Variants in ZNF644 observed in about 807,000 individuals in gnomAD.
ZNF644 encodes the protein zinc finger protein 644.
Under a neutral mutation model 108.0 loss-of-function variants are expected in ZNF644, and 20 were observed. That is an observed-to-expected ratio of 0.19 (90% CI 0.13 to 0.27). The LOEUF is 0.27. Ranked by LOEUF, ZNF644 falls within the 10% of genes least tolerant of loss-of-function variation. ZNF644 has a pLI of 1.00. For synonymous variants in ZNF644, 542 were observed against 539.1 expected (o/e 1.01, Z -0.08); for missense variants, 1,338 against 1,548.9 (o/e 0.86, Z 2.29).
At chr1:90,933,535 G>A (rs375487318) in intron 4 of ZNF644, among the ~76,000 whole-genome samples, 1 of 152,026 alleles carries the variant, frequency 6.6e-6, no homozygotes, top group Non-Finnish European at 1.5e-5. Flanking sequence ...ATGATGGCAT[G>A]AGTCTGTAAT....
At chr1:90,955,961 GAGA>G (rs1653713927) in intron 2 of ZNF644, among the ~76,000 whole-genome samples, 1 of 152,176 alleles carries the variant, frequency 6.6e-6, no homozygotes, top group Non-Finnish European at 1.5e-5. Flanking sequence ...TTTAAAATGA[GAGA>G]CATGTGACTC....
intron 1 of ZNF644, among the ~76,000 whole-genome samples, chr1:90,999,115 C>T (rs937828144): frequency 1.3e-5 from 2 of 152,220 alleles, no homozygotes; most frequent in Admixed American, 6.5e-5. Flanking sequence ...TAGGAAAACA[C>T]TCTGCAGGAT....
rs1256088066 is a variant in ZNF644, at chr1:91,022,015, G to C, written c.-43C>G. Reference sequence around the variant, plus strand: ...AGTTTGGTGCCGTGTGCGTCAAACCGGGGCGACGTTGGGAGCACGCGGCGT... The same window carrying C: ...AGTTTGGTGCCGTGTGCGTCAAACCCGGGCGACGTTGGGAGCACGCGGCGT... On this transcript the variant is annotated 5_prime_UTR_variant, in exon 1 of 6. Coordinates refer to ENST00000337393, the MANE Select transcript of ZNF644 (RefSeq NM_201269.3). The C allele has an allele frequency of 2.5e-6, 1 of 398,754 alleles. No individual in the cohort carries two copies. The highest frequency in any genetic ancestry group is 4.4e-6 in the Non-Finnish European group (1 of 225,988). The allele number at this position is 398,754 out of a possible 1,614,324, so 24.7% of individuals were successfully genotyped here. A position where few individuals can be genotyped will look rare whatever the true frequency, so the allele number is the denominator to read the frequency against.
At chr1:91,021,768 A>G (rs1162362234) in intron 1 of ZNF644, 2 of 351,810 alleles carry the variant, frequency 5.7e-6, no homozygotes, top group Non-Finnish European at 1.0e-5. Flanking sequence ...TGTAGCACCA[A>G]CTCCGCCTCC....
chr1:90,983,467 G>A (rs74757484), intron 1 of ZNF644, among the ~76,000 whole-genome samples: 1 of 125,872 alleles, frequency 7.9e-6, no homozygotes, highest in East Asian at 2.4e-4. Context: ...ATCTGACAAT[G>A]TTACCTCATA....
rs1312382687 is a variant in ZNF644 at position 90,937,393 on chromosome 1, T to C, written c.3688+92A>G. ...AAAAGCAGCTTAAACAGGAAGATTG[T>C]GAGAAAGTATTTTCCACATAGATTC... On this transcript the variant is annotated intron_variant, in intron 4 of 5. Coordinates refer to ENST00000337393, the MANE Select transcript of ZNF644 (RefSeq NM_201269.3). 1.9e-6 allele frequency: 3 copies of C among 1,567,070 alleles called. No homozygotes were observed. The African/African-American group carries it at 4.1e-5, about 21-fold the overall frequency.
intron 2 of ZNF644, among the ~76,000 whole-genome samples, chr1:90,962,577 G>A (rs1654442021): frequency 6.6e-6 from 1 of 152,000 alleles, no homozygotes; most frequent in Admixed American, 6.6e-5. Flanking sequence ...ATGGTAGAAA[G>A]CAAAATAATA....
intron 2 of ZNF644, among the ~76,000 whole-genome samples, chr1:90,963,702 T>G (rs1348546648): frequency 6.6e-6 from 1 of 152,004 alleles, no homozygotes; most frequent in African/African-American, 2.4e-5. Context: ...TTCTGAAAAA[T>G]TTCAGAAACA....
At chr1:90,987,267 T>A (rs358686) in intron 1 of ZNF644, among the ~76,000 whole-genome samples, 69,302 of 108,562 alleles carry the variant, frequency 0.64, 22,796 homozygotes, top group Middle Eastern at 0.72. Context: ...TTTTTTTTTT[T>A]AAAAAAAGAT....
chr1:91,010,375 A>T (rs1043421111), intron 1 of ZNF644, among the ~76,000 whole-genome samples: 5 of 148,690 alleles, frequency 3.4e-5, no homozygotes, highest in Non-Finnish European at 7.4e-5. Flanking sequence ...AATAGCTGGG[A>T]TTGCAGGCAC....
At chr1:90,917,537 G>A (rs1043907481) in intron 5 of ZNF644, among the ~76,000 whole-genome samples, 2 of 151,854 alleles carry the variant, frequency 1.3e-5, no homozygotes, top group Non-Finnish European at 2.9e-5. Flanking sequence ...TTGCTCTGTC[G>A]CTCAGGCTGG....
intron 4 of ZNF644, among the ~76,000 whole-genome samples, chr1:90,930,748 T>C (rs991131466): frequency 6.6e-6 from 1 of 152,216 alleles, no homozygotes; most frequent in African/African-American, 2.4e-5. Context: ...GGTCAAGATA[T>C]AAAATAAAGT....
chr1:90,951,575 T>A (rs894052392), intron 2 of ZNF644, among the ~76,000 whole-genome samples: 3 of 152,190 alleles, frequency 2.0e-5, no homozygotes, highest in Non-Finnish European at 4.4e-5. Context: ...AATCATTATC[T>A]TCTGAATAAT....
rs75568493 is a variant in ZNF644 at position 90,941,159 on chromosome 1, T to C, written c.195A>G (p.Ser65=). The change falls in exon 3 of 6, where the codon TCA becomes TCG. Residue 65 remains serine (S), a synonymous_variant. Coordinates refer to ENST00000337393, the MANE Select transcript of ZNF644 (RefSeq NM_201269.3). ...GVHKPKDCQT[S]FQKNNTLTLP... ...GAGTCAACGTATTATTTTTCTGAAA[T>C]GATGTTTGACAATCTTTTGGCTTAT... 998 of 1,613,414 alleles carry C rather than the reference T, an allele frequency of 6.2e-4. 23 individuals are homozygous for C. The East Asian group carries it at 0.022, about 36-fold the overall frequency.
chr1:90,950,282 A>AGGGG (rs1557588095), intron 2 of ZNF644, among the ~76,000 whole-genome samples: 59 of 3,376 alleles, frequency 0.017, 4 homozygotes, highest in Non-Finnish European at 0.021. Context: ...ATCTCAAGGG[A>AGGGG]AGGGAAGGGA....
chr1:90,948,527 C>T (rs55756274), intron 2 of ZNF644, among the ~76,000 whole-genome samples: 9 of 152,278 alleles, frequency 5.9e-5, no homozygotes, highest in East Asian at 5.8e-4. Flanking sequence ...CCAAAATCTA[C>T]GCATACTTAA....
intron 2 of ZNF644, among the ~76,000 whole-genome samples, chr1:90,949,672 C>G (rs1415637974): frequency 6.6e-6 from 1 of 152,008 alleles, no homozygotes; most frequent in Non-Finnish European, 1.5e-5. Flanking sequence ...GGCATTTACA[C>G]TGTAGTAGGT....
chr1:90,972,211 A>G (rs1302548341), intron 2 of ZNF644, among the ~76,000 whole-genome samples: 1 of 152,214 alleles, frequency 6.6e-6, no homozygotes, highest in East Asian at 1.9e-4. Flanking sequence ...AACCAATGGA[A>G]TGGGAGAAAA....
chr1:91,005,752 A>C (rs1373203464), intron 1 of ZNF644, among the ~76,000 whole-genome samples: 1 of 152,140 alleles, frequency 6.6e-6, no homozygotes, highest in African/African-American at 2.4e-5. Context: ...ACATACTAAA[A>C]CTTATGGGAT....
Sources: gnomAD v4.1 joint callset for allele counts (sites outside exome capture counted in the v4.1 genomes callset) on GRCh38, gnomAD v4.1.1 for gene constraint, MANE v1.5 for transcripts, NCBI Gene and HGNC (gene_info 2026-07-23, HGNC 2026-07-21) for gene names.